Variants in SUDS3 observed in about 807,000 individuals in gnomAD.
SUDS3 encodes the protein SIN3A corepressor complex component SDS3, also known as sin3 histone deacetylase corepressor complex component SDS3.
In SUDS3, 23 loss-of-function variants were observed where a neutral mutation model predicts 53.5. The observed-to-expected ratio is 0.43, with a 90% confidence interval of 0.31 to 0.61. SUDS3 has a LOEUF of 0.61. Ranked by LOEUF, SUDS3 falls within the 20% of genes least tolerant of loss-of-function variation. The probability of loss-of-function intolerance (pLI) is 0.10; values close to 1 mark genes in which losing one functional copy is unlikely to be tolerated. For synonymous variants in SUDS3, 150 were observed against 148.5 expected (o/e 1.01, Z -0.08); for missense variants, 291 against 405.9 (o/e 0.72, Z 2.43).
intron 6 of SUDS3, among the ~76,000 whole-genome samples, chr12:118,392,189 C>T (rs1335182899): frequency 6.6e-6 from 1 of 152,210 alleles, no homozygotes. Context: ...TCTTACAATT[C>T]GGAAAGTGCT....
intron 2 of SUDS3, among the ~76,000 whole-genome samples, chr12:118,382,418 G>A (rs1015908750): frequency 2.6e-5 from 4 of 152,000 alleles, no homozygotes; most frequent in African/African-American, 9.7e-5. Context: ...CTGGAGTGCA[G>A]TGGCATGATA....
chr12:118,391,066 G>A, intron 5 of SUDS3, 60 bp from the exon 6 acceptor site: 1 of 1,595,104 alleles, frequency 6.3e-7, no homozygotes, highest in African/African-American at 1.3e-5. Context: ...GCTAGACTTT[G>A]AGTTGGAGCC....
intron 6 of SUDS3, among the ~76,000 whole-genome samples, chr12:118,394,634 G>A (rs1015588507): frequency 1.3e-5 from 2 of 152,188 alleles, no homozygotes; most frequent in Non-Finnish European, 2.9e-5. Context: ...AAGGTAATGT[G>A]TTGAGATGGA....
In SUDS3 at chr12:118,384,084, A is replaced by G. The variant is rs1436476818; in HGVS notation, c.268+17A>G. ...TGCAAGAAGGTTGGTGTGTGATTGA[A>G]TCCTGCATTTCTAAATATGCTTCTT... On this transcript the variant is annotated intron_variant, in intron 3 of 11. Transcript: ENST00000543473. 6.2e-7 allele frequency: 1 copy of G among 1,612,600 alleles called. No individual in the cohort carries two copies. The highest frequency in any genetic ancestry group is 8.5e-7 in the Non-Finnish European group (1 of 1,178,892).
intron 4 of SUDS3, among the ~76,000 whole-genome samples, chr12:118,389,477 G>A (rs1301369482): frequency 2.0e-5 from 3 of 151,966 alleles, no homozygotes; most frequent in Non-Finnish European, 4.4e-5. Flanking sequence ...TTTGCCCTCA[G>A]GCAGAACTGC....
At chr12:118,404,079 T>C (rs1389710091) in intron 10 of SUDS3, 1 of 152,406 alleles carries the variant, frequency 6.6e-6, no homozygotes, top group Admixed American at 6.5e-5. Flanking sequence ...CAAGGACACT[T>C]GCTTGGGGGA....
chr12:118,380,049 C>G, intron 1 of SUDS3, 113 bp from the exon 2 acceptor site: 2 of 830,762 alleles, frequency 2.4e-6, no homozygotes, highest in Admixed American at 4.4e-5. Context: ...TGCAAGCCTG[C>G]CTTGAATAGA....
rs796514283 is a variant in SUDS3, at chr12:118,395,231, T to G, written c.517+3949T>G. Reference sequence around the variant, plus strand: ...TGGAATCAGGGTTTTTTTTTTTTTTTTTTTTTTTTTTTAAGACGGAGTCTC... The same window carrying G: ...TGGAATCAGGGTTTTTTTTTTTTTTGTTTTTTTTTTTTAAGACGGAGTCTC... On this transcript the variant is annotated intron_variant, in intron 6 of 11. Transcript: ENST00000543473. Among the ~76,000 whole-genome samples, 23 of 142,074 alleles carry G rather than the reference T, an allele frequency of 1.6e-4. 1 individual carries two copies. The highest frequency in any genetic ancestry group is 5.3e-4 in the African/African-American group (20 of 37,952). 93.2% of individuals were successfully genotyped at this position (142,074 alleles called of 152,430 possible).
chr12:118,376,917 G>C (rs2046002520), intron 1 of SUDS3, 84 bp downstream of exon 1: 1 of 1,348,152 alleles, frequency 7.4e-7, no homozygotes, highest in Admixed American at 3.6e-5. Context: ...AGAGGGGCGG[G>C]GCGGCCTCCG....
intron 3 of SUDS3, among the ~76,000 whole-genome samples, chr12:118,384,268 G>A (rs73205576): frequency 0.11 from 17,493 of 152,184 alleles, 1,272 homozygotes; most frequent in Middle Eastern, 0.19. Context: ...TTTATTTCCA[G>A]TATGTGTGAG....
intron 10 of SUDS3, among the ~76,000 whole-genome samples, chr12:118,405,942 C>T (rs1162295038): frequency 6.6e-6 from 1 of 152,188 alleles, no homozygotes; most frequent in African/African-American, 2.4e-5. Context: ...CAGAAGATGT[C>T]TTCCTGAGTT....
At chr12:118,391,389 AGT>A in intron 6 of SUDS3, 107 bp downstream of exon 6, 1 of 1,345,580 alleles carries the variant, frequency 7.4e-7, no homozygotes, top group Non-Finnish European at 1.0e-6. Flanking sequence ...CAAGGTGGAG[AGT>A]GGGTTTTGAC....
intron 6 of SUDS3, among the ~76,000 whole-genome samples, chr12:118,395,289 G>A (rs2062523): frequency 1.4e-5 from 2 of 143,400 alleles, no homozygotes; most frequent in African/African-American, 5.2e-5. Context: ...GCAGTGGCGC[G>A]ATCTCGGCTC....
intron 1 of SUDS3, among the ~76,000 whole-genome samples, chr12:118,378,831 A>C (rs1193797068): frequency 1.3e-5 from 2 of 151,580 alleles, no homozygotes; most frequent in African/African-American, 2.4e-5. Context: ...ATGTGCCGCC[A>C]CCCCCAGCTA....
At chr12:118,376,986 C>T (rs1481019312) in intron 1 of SUDS3, among the ~76,000 whole-genome samples, 153 bp downstream of exon 1, 1 of 152,120 alleles carries the variant, frequency 6.6e-6, no homozygotes, top group African/African-American at 2.4e-5. Flanking sequence ...AAGTTACCCC[C>T]ATCCGTGCTG....
intron 10 of SUDS3, among the ~76,000 whole-genome samples, chr12:118,409,179 G>A (rs552121583): frequency 3.6e-4 from 53 of 146,790 alleles, no homozygotes; most frequent in African/African-American, 1.2e-3. Context: ...ATAGAGTCTC[G>A]CTCTGTTGCT....
Position 118,414,794 on chromosome 12 carries a change from C to G in SUDS3, c.*361C>G, listed in dbSNP as rs2046386053. ...ATTTTTATTGATTATCTTTAAGTCTCTCTACCATGGAGAAGAGCAGGAAGG... is the reference window on the plus strand; with the variant it reads ...ATTTTTATTGATTATCTTTAAGTCTGTCTACCATGGAGAAGAGCAGGAAGG... On this transcript the variant is annotated 3_prime_UTR_variant, in exon 12 of 12. Coordinates refer to ENST00000543473, the MANE Select transcript of SUDS3 (RefSeq NM_022491.3). 5.8e-6 allele frequency: 1 copy of G among 171,610 alleles called. No homozygotes were observed. The highest frequency in any genetic ancestry group is 2.4e-5 in the African/African-American group (1 of 41,902). The allele number at this position is 171,610 out of a possible 1,614,324, so 10.6% of individuals were successfully genotyped here.
intron 2 of SUDS3, 69 bp downstream of exon 2, chr12:118,380,300 C>G: frequency 2.2e-6 from 3 of 1,371,780 alleles, no homozygotes; most frequent in Non-Finnish European, 3.0e-6. Flanking sequence ...ATTGAGCATC[C>G]CAAATCTGAA....
chr12:118,410,885 C>T (rs1448701757), intron 10 of SUDS3, among the ~76,000 whole-genome samples, 188 bp from the exon 11 acceptor site: 5 of 152,096 alleles, frequency 3.3e-5, no homozygotes, highest in Non-Finnish European at 5.9e-5. Flanking sequence ...GCTTGAGCCA[C>T]CGCGCCTGGC....
Sources: allele counts gnomAD v4.1 joint callset (sites outside exome capture counted in the v4.1 genomes callset), GRCh38; gene constraint gnomAD v4.1.1; transcripts MANE v1.5; gene names NCBI Gene and HGNC (gene_info 2026-07-23, HGNC 2026-07-21).